The following CELF3 variants were observed in gnomAD, a reference collection of about 807,000 sequenced individuals.
CELF3 encodes the protein CAG repeat domain.
A neutral mutation model predicts 59.6 loss-of-function variants in CELF3; 26 were observed. The ratio of observed to expected loss-of-function variants is 0.44; its 90% CI spans 0.32 to 0.61. CELF3 has a LOEUF of 0.61. Among genes scored for constraint, CELF3 ranks in the 20% least tolerant of loss-of-function variants. The pLI is 0.06. For synonymous variants in CELF3, 245 were observed against 250.7 expected, an observed-to-expected ratio of 0.98 and a Z score of 0.22; for missense variants, 387 against 627.2, an observed-to-expected ratio of 0.62 and a Z score of 4.09.
Position 151,709,131 on chromosome 1 carries a change from C to A in CELF3, c.407-54G>T. 6.2e-7 allele frequency: 1 copy of A among 1,606,244 alleles called. No homozygotes were observed. The highest frequency in any genetic ancestry group is 8.5e-7 in the Non-Finnish European group (1 of 1,174,036). On this transcript the variant is annotated intron_variant, in intron 4 of 12. Transcript: ENST00000290583. This position sits in a 1 kb window ranked among gnomAD's most constrained non-coding sequence, Gnocchi z 4.9. ...GGGTAAGCACCCATCCCTGCGGGACCCCGCGGTGGAACCCGATGCCTAGGG... is the reference window on the plus strand; with the variant it reads ...GGGTAAGCACCCATCCCTGCGGGACACCGCGGTGGAACCCGATGCCTAGGG...
At position 151,709,048 on chromosome 1, in the gene CELF3, C is replaced by A; in HGVS notation, c.436G>T (p.Ala146Ser). 6.2e-7 allele frequency: 1 copy of A among 1,613,816 alleles called. No individual in the cohort carries two copies. Among genetic ancestry groups the A allele is most frequent in the Non-Finnish European group, 8.5e-7 (1 of 1,179,934 alleles). Residue 146 changes from alanine (A) to serine (S), a missense_variant, in exon 5 of 13, where the codon GCT becomes TCT. By Grantham distance (99) the Ala-to-Ser change is moderately conservative. Coordinates refer to ENST00000290583, the MANE Select transcript of CELF3 (RefSeq NM_007185.7). This position sits in a 1 kb window ranked among gnomAD's most constrained non-coding sequence, Gnocchi z 4.9. Reference sequence around the variant, plus strand: ...GTGTTGATGGCCGCCTGGGCCTCAGCGTGGGTCTGGAACTTCACGAAGGCG... The same window carrying A: ...GTGTTGATGGCCGCCTGGGCCTCAGAGTGGGTCTGGAACTTCACGAAGGCG... ...GCAFVKFQTH[A>S]EAQAAINTLH...
intron 1 of CELF3, 126 bp downstream of exon 1, chr1:151,715,750 C>T: frequency 6.3e-7 from 1 of 1,596,386 alleles, no homozygotes; most frequent in South Asian, 1.1e-5. Context: ...CATCCACTTT[C>T]CTCAGGCCTG....
chr1:151,710,399 C>G (rs1266505921), intron 2 of CELF3: 1 of 294,166 alleles, frequency 3.4e-6, no homozygotes, highest in Admixed American at 4.3e-5. Flanking sequence ...CCTGATTTAT[C>G]CGTCCCCGTC....
Position 151,705,754 on chromosome 1 carries a change from C to T in CELF3, c.1270+68G>A. The T allele has an allele frequency of 1.3e-6, 2 of 1,531,870 alleles. No homozygotes were observed. The highest frequency in any genetic ancestry group is 1.8e-5 in the Admixed American group (1 of 56,178). The allele number at this position is 1,531,870 out of a possible 1,614,324, so 94.9% of individuals were successfully genotyped here. On this transcript the variant is annotated intron_variant, in intron 11 of 12. Coordinates refer to ENST00000290583, the MANE Select transcript of CELF3 (RefSeq NM_007185.7). This position sits in a 1 kb window ranked among gnomAD's most constrained non-coding sequence, Gnocchi z 5.1. ...ACTGGGTCCACTGTGACCATAAATG[C>T]CTTCAAATATATTAGACCTTGTCCT...
Position 151,715,883 on chromosome 1 carries a change from C to A in CELF3, c.138G>T (p.Leu46=). ...LTVIKDKYTG[L]HKGCAFLTYC... ...GCCTGCCCGACCCCTCACCCTTGTG[C>A]AGCCCGGTGTACTTGTCCTTGATGA... The change falls in exon 1 of 13, where the codon CTG becomes CTT. Residue 46 remains leucine (L), a synonymous_variant. Coordinates refer to ENST00000290583, the MANE Select transcript of CELF3 (RefSeq NM_007185.7). The A allele has an allele frequency of 6.2e-7, 1 of 1,613,206 alleles. No individual in the cohort carries two copies. The highest frequency in any genetic ancestry group is 8.5e-7 in the Non-Finnish European group (1 of 1,179,440).
In CELF3 at chr1:151,701,343, T is replaced by C. The variant is rs1206500080; in HGVS notation, c.*2116A>G. Among the ~76,000 whole-genome samples the C allele has an allele frequency of 6.6e-6, 1 of 152,150 alleles. No individual in the cohort carries two copies. Among genetic ancestry groups the C allele is most frequent in the Non-Finnish European group, 1.5e-5 (1 of 68,018 alleles). On this transcript the variant is annotated 3_prime_UTR_variant, in exon 13 of 13. Transcript: ENST00000290583. Reference sequence around the variant, plus strand: ...GAAGTCAAAGAAGACACCTGTGTGATCCTGAGCCTGCCCTAAAGCAGCTCA... The same window carrying C: ...GAAGTCAAAGAAGACACCTGTGTGACCCTGAGCCTGCCCTAAAGCAGCTCA...
intron 2 of CELF3, chr1:151,712,104 G>C (rs1002434315): frequency 2.6e-5 from 4 of 152,264 alleles, no homozygotes; most frequent in Non-Finnish European, 5.9e-5. Context: ...CTCAGGCTTC[G>C]TTAGCTCAGC....
At chr1:151,703,818 C>G (rs780672791) in intron 12 of CELF3, among the ~76,000 whole-genome samples, 2 of 151,954 alleles carry the variant, frequency 1.3e-5, no homozygotes, top group Non-Finnish European at 2.9e-5. Flanking sequence ...AGACAGACAC[C>G]TGGAAAAAGA....
intron 2 of CELF3, chr1:151,710,304 G>A (rs1286413844): frequency 3.8e-6 from 1 of 260,422 alleles, no homozygotes; most frequent in Admixed American, 4.9e-5. Flanking sequence ...ACCCCAGGGG[G>A]AAGGCACTCG....
At position 151,705,209 on chromosome 1, in the gene CELF3, C is replaced by T. The variant is rs1427115853; in HGVS notation, c.1271-41G>A. On this transcript the variant is annotated intron_variant, in intron 11 of 12. Coordinates refer to ENST00000290583, the MANE Select transcript of CELF3 (RefSeq NM_007185.7). This position sits in a 1 kb window ranked among gnomAD's most constrained non-coding sequence, Gnocchi z 5.1. ...CATAAGGCCCGGCCCAGCCCCACCT[C>T]GCTCTTCCGTGCTTAGGAGACCTCT... 6.9e-6 allele frequency: 11 copies of T among 1,587,232 alleles called. No individual in the cohort carries two copies. The highest frequency in any genetic ancestry group is 3.4e-5 in the Admixed American group (2 of 58,612).
At position 151,703,326 on chromosome 1, in the gene CELF3, C is replaced by CG. The variant is rs1558094485; in HGVS notation, c.*132dup. ...GGGAGGGGCCGGTGTCTTGTGCCCCCGGGGGCCACGAAGCAGCGTTTGCCC... is the reference window on the plus strand; with the variant it reads ...GGGAGGGGCCGGTGTCTTGTGCCCCCGGGGGGCCACGAAGCAGCGTTTGCCC... On this transcript the variant is annotated 3_prime_UTR_variant, in exon 13 of 13. Coordinates refer to ENST00000290583, the MANE Select transcript of CELF3 (RefSeq NM_007185.7). The CG allele has an allele frequency of 2.2e-6, 1 of 452,612 alleles. No individual in the cohort carries two copies. Among genetic ancestry groups the CG allele is most frequent in the South Asian group, 1.6e-5 (1 of 64,244 alleles). The allele number at this position is 452,612 out of a possible 1,614,324, so 28.0% of individuals were successfully genotyped here.
chr1:151,701,301 A>G lies in CELF3; in HGVS notation c.*2158T>C, dbSNP rs2102762347. Reference sequence around the variant, plus strand: ...AAGACAGAGGGTGGGGTAGCAGCCTAGAAGCACATGTTCTATGAAGTCAAA... The same window carrying G: ...AAGACAGAGGGTGGGGTAGCAGCCTGGAAGCACATGTTCTATGAAGTCAAA... On this transcript the variant is annotated 3_prime_UTR_variant, in exon 13 of 13. Coordinates refer to ENST00000290583, the MANE Select transcript of CELF3 (RefSeq NM_007185.7). Among the ~76,000 whole-genome samples the G allele has an allele frequency of 6.6e-6, 1 of 152,288 alleles. No individual in the cohort carries two copies. The highest frequency in any genetic ancestry group is 3.4e-3 in the Middle Eastern group (1 of 294).
chr1:151,714,294 C>T lies in CELF3; in HGVS notation c.228+300G>A, dbSNP rs1673272120. 10 of 579,594 alleles carry T rather than the reference C, an allele frequency of 1.7e-5. No individual in the cohort carries two copies. In the Admixed American group the frequency reaches 2.7e-4, roughly 16 times the overall value. 35.9% of individuals were successfully genotyped at this position (579,594 alleles called of 1,614,324 possible). On this transcript the variant is annotated intron_variant, in intron 2 of 12. Coordinates refer to ENST00000290583, the MANE Select transcript of CELF3 (RefSeq NM_007185.7). Reference sequence around the variant, plus strand: ...GGTGTCCAGAGACTTTTCCCCACACCTTCCAACCAGCGAGTCCTCCCTCTA... The same window carrying T: ...GGTGTCCAGAGACTTTTCCCCACACTTTCCAACCAGCGAGTCCTCCCTCTA...
rs1048666265 is a variant in CELF3 at position 151,701,801 on chromosome 1, A to G, written c.*1658T>C. 2.6e-5 allele frequency among the ~76,000 whole-genome samples: 4 copies of G among 152,154 alleles called. No individual in the cohort carries two copies. The highest frequency in any genetic ancestry group is 9.7e-5 in the African/African-American group (4 of 41,446). On this transcript the variant is annotated 3_prime_UTR_variant, in exon 13 of 13. Transcript: ENST00000290583. ...GCTGGGCGTGGTGGTGCAGCCGCTT[A>G]TAGTCCTAACTACTTGGGAGGCTGA...
chr1:151,709,850 C>A lies in CELF3; in HGVS notation c.229-59G>T. 1 of 1,541,534 alleles carries A rather than the reference C, an allele frequency of 6.5e-7. No individual in the cohort carries two copies. Among genetic ancestry groups the A allele is most frequent in the Non-Finnish European group, 9.0e-7 (1 of 1,113,806 alleles). On this transcript the variant is annotated intron_variant, in intron 2 of 12. Coordinates refer to ENST00000290583, the MANE Select transcript of CELF3 (RefSeq NM_007185.7). This position sits in a 1 kb window ranked among gnomAD's most constrained non-coding sequence, Gnocchi z 4.9. ...CCTCCTCTGAACACCCAAGAGCCCT[C>A]CCAGGCCAGGCCCTGCAGAGAGACT... is the stretch of plus-strand genomic sequence containing the variant.
chr1:151,714,581 G>C lies in CELF3; in HGVS notation c.228+13C>G. 1 of 1,549,960 alleles carries C rather than the reference G, an allele frequency of 6.5e-7. No individual in the cohort carries two copies. The highest frequency in any genetic ancestry group is 8.7e-7 in the Non-Finnish European group (1 of 1,145,002). On this transcript the variant is annotated intron_variant, in intron 2 of 12. Transcript: ENST00000290583. ...CTTCTCAGTCCCCTGGCCCTGCAAA[G>C]GGCAGGACTCACCCCTGGAAGCGTC...
Position 151,709,747 on chromosome 1 carries a change from T to G in CELF3, c.273A>C (p.Arg91=), listed in dbSNP as rs1379361300. 6.2e-7 allele frequency: 1 copy of G among 1,613,906 alleles called. No homozygotes were observed. The highest frequency in any genetic ancestry group is 8.5e-7 in the Non-Finnish European group (1 of 1,179,950). ...IQVKPADSES[R]GEDRKLFVGM... ...GTCCAAAGGCACAGAACCTACCTCCTCGGCTCTCGCTGTCGGCTGGCTTGA... is the reference window on the plus strand; with the variant it reads ...GTCCAAAGGCACAGAACCTACCTCCGCGGCTCTCGCTGTCGGCTGGCTTGA... Residue 91 remains arginine, a synonymous_variant, in exon 3 of 13, where the codon CGA becomes CGC. Coordinates refer to ENST00000290583, the MANE Select transcript of CELF3 (RefSeq NM_007185.7). The surrounding 1 kb of genome is among the most constrained non-coding windows in gnomAD (Gnocchi z 4.9).
Position 151,705,797 on chromosome 1 carries a change from A to G in CELF3, c.1270+25T>C, listed in dbSNP as rs374078133. 54 of 1,612,052 alleles carry G rather than the reference A, an allele frequency of 3.3e-5. No individual in the cohort carries two copies. The highest frequency in any genetic ancestry group is 3.9e-5 in the Non-Finnish European group (46 of 1,178,714). On this transcript the variant is annotated intron_variant, in intron 11 of 12. Transcript: ENST00000290583. This position sits in a 1 kb window ranked among gnomAD's most constrained non-coding sequence, Gnocchi z 5.1. ...CTTGTCCTGATTTGGAGTATGGCAA[A>G]AAATGTGCCATATCATATTCTTACC...
chr1:151,709,731 C>G lies in CELF3; in HGVS notation c.277+12G>C. The G allele has an allele frequency of 6.2e-7, 1 of 1,613,984 alleles. No individual in the cohort carries two copies. Among genetic ancestry groups the G allele is most frequent in the Non-Finnish European group, 8.5e-7 (1 of 1,179,842 alleles). On this transcript the variant is annotated intron_variant, in intron 3 of 12. Coordinates refer to ENST00000290583, the MANE Select transcript of CELF3 (RefSeq NM_007185.7). The surrounding 1 kb of genome is among the most constrained non-coding windows in gnomAD (Gnocchi z 4.9). The stretch of plus-strand genomic sequence containing the variant: ...GGAGGAGAGGGACAGAGTCCAAAGG[C>G]ACAGAACCTACCTCCTCGGCTCTCG...
Sources: gnomAD v4.1 joint callset for allele counts (sites outside exome capture counted in the v4.1 genomes callset) on GRCh38, gnomAD v4.1.1 for gene constraint, Gnocchi (gnomAD v3.1) non-coding constraint, MANE v1.5 for transcripts, NCBI Gene and HGNC (gene_info 2026-07-23, HGNC 2026-07-21) for gene names.